Variants in ILKAP observed in about 807,000 individuals in gnomAD.
ILKAP encodes integrin-linked kinase-associated serine/threonine phosphatase 2C.
A neutral mutation model predicts 49.1 loss-of-function variants in ILKAP; 11 were observed. That is an observed-to-expected ratio of 0.22 (90% CI 0.14 to 0.37). The LOEUF is 0.37. ILKAP is among the 10% of genes least tolerant of loss of function. ILKAP has a pLI of 1.00. For missense variants in ILKAP, 363 were observed against 510.8 expected (o/e 0.71, Z 2.79); for synonymous variants, 186 against 192.8 (o/e 0.96, Z 0.29).
intron 9 of ILKAP, 143 bp downstream of exon 9, chr2:238,181,921 TA>T (rs1693710136): frequency 3.6e-6 from 3 of 822,012 alleles, no homozygotes; most frequent in African/African-American, 3.4e-5. Flanking sequence ...GTCATCCACC[TA>T]TGTCACCAGT....
At chr2:238,177,021 T>G (rs897679500) in intron 9 of ILKAP, among the ~76,000 whole-genome samples, 1 of 152,232 alleles carries the variant, frequency 6.6e-6, no homozygotes, top group African/African-American at 2.4e-5. Context: ...GTACTGACAT[T>G]TAAATTTAAA....
In ILKAP at chr2:238,194,296, G is replaced by C. The variant is rs761943189; in HGVS notation, c.157C>G (p.Pro53Ala). The stretch of plus-strand genomic sequence containing the variant: ...TTACCTGAATCGCCACTGCTAGCGG[G>C]TGGGAGATCATCAAAAAGCAAAGGT... ...GGPLLFDDLP[P>A]ASSGDSGSLA... Residue 53 changes from proline to alanine, a missense_variant, in exon 3 of 12, where the codon CCC (proline) becomes GCC (alanine). Physicochemically the swap from Pro to Ala is conservative, Grantham distance 27. Coordinates refer to ENST00000254654, the MANE Select transcript of ILKAP (RefSeq NM_030768.3). 25 of 1,613,902 alleles carry C rather than the reference G, an allele frequency of 1.5e-5. No homozygotes were observed. Among genetic ancestry groups the C allele is most frequent in the Non-Finnish European group, 2.0e-5 (24 of 1,179,994 alleles).
chr2:238,188,030 G>T, intron 5 of ILKAP, 101 bp downstream of exon 5: 1 of 1,297,000 alleles, frequency 7.7e-7, no homozygotes, highest in Non-Finnish European at 1.1e-6. Flanking sequence ...ATCAAGTGAT[G>T]TGTTAGATTT....
chr2:238,202,200 A>G (rs1392037441), intron 1 of ILKAP, among the ~76,000 whole-genome samples: 1 of 152,208 alleles, frequency 6.6e-6, no homozygotes, highest in South Asian at 2.1e-4. Context: ...CCTGGGCGAC[A>G]AGAGTGAGAC....
At chr2:238,195,031 C>T (rs1375310145) in intron 1 of ILKAP, among the ~76,000 whole-genome samples, 161 bp from the exon 2 acceptor site, 1 of 152,206 alleles carries the variant, frequency 6.6e-6, no homozygotes, top group African/African-American at 2.4e-5. Context: ...ATTTTCTTAA[C>T]AGCTTTTTTA....
intron 6 of ILKAP, 28 bp from the exon 7 acceptor site, chr2:238,184,141 A>G: frequency 8.1e-7 from 1 of 1,233,482 alleles, no homozygotes; most frequent in Non-Finnish European, 1.2e-6. Flanking sequence ...AAAGAAAACA[A>G]TCTCTCAAGG....
chr2:238,194,604 T>C (rs1488329357), intron 2 of ILKAP: 1 of 614,438 alleles, frequency 1.6e-6, no homozygotes, highest in African/African-American at 1.8e-5. Flanking sequence ...TGCTCCACAT[T>C]TCCTCGCAGT....
At chr2:238,170,750 GGAA>G in intron 11 of ILKAP, 74 bp from the exon 12 acceptor site, 2 of 1,598,420 alleles carry the variant, frequency 1.3e-6, no homozygotes, top group East Asian at 2.2e-5. Flanking sequence ...ATGACTGCCA[GGAA>G]GAAGAGCTGC....
chr2:238,191,661 A>C (rs1490913790), intron 3 of ILKAP, among the ~76,000 whole-genome samples: 1 of 152,108 alleles, frequency 6.6e-6, no homozygotes, highest in Non-Finnish European at 1.5e-5. Flanking sequence ...TCATCCCAGC[A>C]CTTTGGGAGG....
intron 8 of ILKAP, among the ~76,000 whole-genome samples, chr2:238,182,521 A>G (rs1197261887): frequency 6.6e-6 from 1 of 152,160 alleles, no homozygotes; most frequent in African/African-American, 2.4e-5. Context: ...TTTGGCCTGG[A>G]GTCTAGAAGG....
chr2:238,188,490 G>A, intron 4 of ILKAP: 1 of 449,846 alleles, frequency 2.2e-6, no homozygotes, highest in Non-Finnish European at 4.0e-6. Context: ...ACACAAAAGA[G>A]GAGTCAGTGA....
chr2:238,175,307 G>T (rs1185899836), intron 9 of ILKAP, among the ~76,000 whole-genome samples: 1 of 152,042 alleles, frequency 6.6e-6, no homozygotes, highest in Non-Finnish European at 1.5e-5. Context: ...TGCCCAGGCT[G>T]GTCCTTAAAC....
At chr2:238,200,135 C>A (rs1429101292) in intron 1 of ILKAP, among the ~76,000 whole-genome samples, 2 of 152,194 alleles carry the variant, frequency 1.3e-5, no homozygotes, top group African/African-American at 2.4e-5. Context: ...ATCTTAAAGA[C>A]ATCAGGTCGG....
At chr2:238,202,887 G>GAAAA (rs397954562) in intron 1 of ILKAP, among the ~76,000 whole-genome samples, 2 of 116,710 alleles carry the variant, frequency 1.7e-5, no homozygotes. Flanking sequence ...CCGTGGACCA[G>GAAAA]AAAAAAAAAA....
At chr2:238,174,213 C>CAT (rs1219700877) in intron 9 of ILKAP, among the ~76,000 whole-genome samples, 1 of 152,188 alleles carries the variant, frequency 6.6e-6, no homozygotes, top group African/African-American at 2.4e-5. Flanking sequence ...TCCTGCATAG[C>CAT]ATCATAGTTT....
At chr2:238,185,148 T>C (rs757521658) in intron 6 of ILKAP, 33 bp downstream of exon 6, 1 of 1,377,740 alleles carries the variant, frequency 7.3e-7, no homozygotes, top group South Asian at 1.2e-5. Flanking sequence ...AATAACCAAT[T>C]TGAGTATCAA....
intron 3 of ILKAP, among the ~76,000 whole-genome samples, chr2:238,192,892 A>C (rs1420653061): frequency 6.6e-6 from 1 of 151,970 alleles, no homozygotes; most frequent in Non-Finnish European, 1.5e-5. Flanking sequence ...ACACGCCTGT[A>C]GTCCCAACTA....
intron 1 of ILKAP, among the ~76,000 whole-genome samples, chr2:238,199,313 G>A (rs1450809311): frequency 6.6e-6 from 1 of 152,190 alleles, no homozygotes; most frequent in South Asian, 2.1e-4. Context: ...CTCGTCAAAG[G>A]ATATTAGTTT....
intron 3 of ILKAP, among the ~76,000 whole-genome samples, chr2:238,191,933 C>A (rs1288250535): frequency 5.3e-5 from 8 of 150,352 alleles, no homozygotes; most frequent in Non-Finnish European, 7.4e-5. Context: ...AAGAAAAAGG[C>A]CAGGCGCAGC....
Sources: allele counts gnomAD v4.1 joint callset (sites outside exome capture counted in the v4.1 genomes callset), GRCh38; gene constraint gnomAD v4.1.1; transcripts MANE v1.5; gene names NCBI Gene and HGNC (gene_info 2026-07-23, HGNC 2026-07-21).